Variants in LDLRAD4 observed in about 807,000 individuals in gnomAD.
LDLRAD4 encodes low density lipoprotein receptor class A domain containing 4.
LDLRAD4 carries 5 observed loss-of-function variants against 17.0 expected under a neutral mutation model. That is an observed-to-expected ratio of 0.29 (90% CI 0.15 to 0.62). LDLRAD4 has a LOEUF of 0.62. Ranked by LOEUF, LDLRAD4 falls within the 20% of genes least tolerant of loss-of-function variation. The pLI is 0.84. For synonymous variants in LDLRAD4, 168 were observed against 171.8 expected (o/e 0.98, Z 0.17); for missense variants, 340 against 424.7 (o/e 0.80, Z 1.75).
chr18:13,541,801 C>T, intron 3 of LDLRAD4, among the ~76,000 whole-genome samples: 1 of 152,110 alleles, frequency 6.6e-6, no homozygotes, highest in East Asian at 1.9e-4. Context: ...ACTTGTGATC[C>T]CAGCACTTTG....
At position 13,398,945 on chromosome 18, in the gene LDLRAD4, A is replaced by G. The variant is rs1003082815; in HGVS notation, c.40+11183A>G. ...CAGCCACCCAGATCTTCATCTTTGT[A>G]ATGATGATCGGGGCTGGGAGCAGTG... On this transcript the variant is annotated intron_variant, in intron 2 of 5. Transcript: ENST00000359446. This position sits in a 1 kb window ranked among gnomAD's most constrained non-coding sequence, Gnocchi z 4.8. Among the ~76,000 whole-genome samples, 7 of 152,146 alleles carry G rather than the reference A, an allele frequency of 4.6e-5. No homozygotes were observed. The highest frequency in any genetic ancestry group is 1.3e-4 in the Admixed American group (2 of 15,272).
At chr18:13,280,481 G>A (rs28563139) in intron 1 of LDLRAD4, among the ~76,000 whole-genome samples, 68,433 of 152,150 alleles carry the variant, frequency 0.45, 17,772 homozygotes, top group Non-Finnish European at 0.58. Context: ...TGGGGGGATT[G>A]GAGGAAAATA....
rs188298573 is a variant in LDLRAD4, at chr18:13,310,810, T to C, written c.-383+32622T>C. Among the ~76,000 whole-genome samples, 19 of 152,372 alleles carry C rather than the reference T, an allele frequency of 1.2e-4. No homozygotes were observed. In the East Asian group the frequency reaches 3.7e-3, roughly 29 times the overall value. On this transcript the variant is annotated intron_variant, in intron 1 of 5. Transcript: ENST00000359446. ...ATCTGAGATTAAATCCATAAATTAATGTATTTATTTTTCCTTATTCTTATA... is the reference window on the plus strand; with the variant it reads ...ATCTGAGATTAAATCCATAAATTAACGTATTTATTTTTCCTTATTCTTATA...
At chr18:13,536,005 A>G (rs1051254490) in intron 3 of LDLRAD4, among the ~76,000 whole-genome samples, 1 of 152,110 alleles carries the variant, frequency 6.6e-6, no homozygotes, top group Admixed American at 6.5e-5. Flanking sequence ...TGTTCCATTG[A>G]TCTGTAGGTC....
At position 13,413,785 on chromosome 18, in the gene LDLRAD4, G is replaced by A. The variant is rs74746327; in HGVS notation, c.41-24459G>A. ...TCTTTCTAGGAGAGAGTATGGTTGG[G>A]CTGGGCGGGGTGGCACACGCCTGTA... is the stretch of plus-strand genomic sequence containing the variant. On this transcript the variant is annotated intron_variant, in intron 2 of 5. Coordinates refer to ENST00000359446, the Ensembl canonical transcript of LDLRAD4. Among the ~76,000 whole-genome samples the A allele has an allele frequency of 9.2e-3, 1,406 of 152,240 alleles. 25 individuals carry two copies. The highest frequency in any genetic ancestry group is 0.032 in the African/African-American group (1,329 of 41,518).
chr18:13,564,093 TG>T (rs900980074), intron 3 of LDLRAD4, among the ~76,000 whole-genome samples: 4 of 152,062 alleles, frequency 2.6e-5, no homozygotes, highest in Non-Finnish European at 4.4e-5. Context: ...TTTGTAAAGA[TG>T]GGGGTCTCAC....
intron 1 of LDLRAD4, among the ~76,000 whole-genome samples, chr18:13,237,610 C>T (rs902369954): frequency 3.3e-5 from 5 of 152,264 alleles, no homozygotes; most frequent in South Asian, 4.2e-4. Flanking sequence ...GTTCCTAGCT[C>T]GGTCTCCAAG....
intron 3 of LDLRAD4, among the ~76,000 whole-genome samples, chr18:13,509,016 G>A (rs1173075312): frequency 2.0e-5 from 3 of 152,152 alleles, no homozygotes; most frequent in Non-Finnish European, 4.4e-5. Flanking sequence ...CAAAATATCA[G>A]CATCGGCCAG....
intron 3 of LDLRAD4, among the ~76,000 whole-genome samples, chr18:13,511,149 G>A (rs1456939617): frequency 1.3e-5 from 2 of 152,160 alleles, no homozygotes; most frequent in Non-Finnish European, 2.9e-5. Context: ...CCTGCAGAAG[G>A]AAGAGGAGAA....
chr18:13,376,541 T>C (rs967949893), intron 1 of LDLRAD4, among the ~76,000 whole-genome samples: 1 of 152,214 alleles, frequency 6.6e-6, no homozygotes, highest in African/African-American at 2.4e-5. Context: ...ACAGATCCTT[T>C]CAGCATCAGG....
intron 1 of LDLRAD4, among the ~76,000 whole-genome samples, chr18:13,289,548 CT>C (rs1265783421): frequency 6.6e-6 from 1 of 152,190 alleles, no homozygotes; most frequent in Non-Finnish European, 1.5e-5. Flanking sequence ...CCGACTCCAT[CT>C]TTTGGGAGCT....
chr18:13,427,184 CAATA>C lies in LDLRAD4; in HGVS notation c.41-11049_41-11046del, dbSNP rs561772479. On this transcript the variant is annotated intron_variant, in intron 2 of 5. Transcript: ENST00000359446. ...CTGGCAACAGAGCAAGACTCCTTCT[CAATA>C]AATAAATAAACAAACAAATAAATAA... is the stretch of plus-strand genomic sequence containing the variant. Among the ~76,000 whole-genome samples the C allele has an allele frequency of 4.6e-4, 70 of 151,692 alleles. No individual in the cohort carries two copies. In the South Asian group the frequency reaches 0.014, roughly 31 times the overall value.
intron 3 of LDLRAD4, among the ~76,000 whole-genome samples, chr18:13,523,568 CTGGAT>C (rs780109254): frequency 3.3e-5 from 5 of 152,182 alleles, no homozygotes; most frequent in Non-Finnish European, 7.3e-5. Flanking sequence ...TTCTGAGCTT[CTGGAT>C]TGTTGAAGTC....
At chr18:13,344,657 C>G (rs377472643) in intron 1 of LDLRAD4, among the ~76,000 whole-genome samples, 1 of 152,182 alleles carries the variant, frequency 6.6e-6, no homozygotes, top group Middle Eastern at 3.4e-3. Flanking sequence ...CATTGAATCT[C>G]TAAATTACCT....
intron 3 of LDLRAD4, among the ~76,000 whole-genome samples, chr18:13,580,655 T>A (rs1319603755): frequency 8.5e-5 from 13 of 152,126 alleles, no homozygotes; most frequent in Non-Finnish European, 8.8e-5. Flanking sequence ...GTCCCCAGAC[T>A]TCTCGGGGGA....
chr18:13,443,124 G>C (rs1026275597), intron 3 of LDLRAD4, among the ~76,000 whole-genome samples: 1 of 152,120 alleles, frequency 6.6e-6, no homozygotes, highest in Non-Finnish European at 1.5e-5. Flanking sequence ...ACTTTTTCAG[G>C]AGGCAACTTT....
intron 3 of LDLRAD4, among the ~76,000 whole-genome samples, chr18:13,517,884 G>T (rs560525160): frequency 1.3e-5 from 2 of 152,056 alleles, no homozygotes; most frequent in Non-Finnish European, 2.9e-5. Flanking sequence ...GACTACAGGC[G>T]CCCGCCACCA....
chr18:13,368,414 G>T (rs548056001), intron 1 of LDLRAD4, among the ~76,000 whole-genome samples: 1 of 152,308 alleles, frequency 6.6e-6, no homozygotes, highest in South Asian at 2.1e-4. Flanking sequence ...CTGTCTCAGG[G>T]ATGCCTGCTT....
At chr18:13,285,019 C>T (rs1009469361) in intron 1 of LDLRAD4, among the ~76,000 whole-genome samples, 1 of 152,156 alleles carries the variant, frequency 6.6e-6, no homozygotes, top group South Asian at 2.1e-4. Context: ...GACGTCCTGA[C>T]ATTGGTTGGG....
Sources: gnomAD v4.1 joint callset for allele counts (sites outside exome capture counted in the v4.1 genomes callset) on GRCh38, gnomAD v4.1.1 for gene constraint, Gnocchi (gnomAD v3.1) non-coding constraint, MANE v1.5 for transcripts, NCBI Gene and HGNC (gene_info 2026-07-23, HGNC 2026-07-21) for gene names.